Variants in CWC27 observed in about 807,000 individuals in gnomAD.
CWC27 encodes the protein spliceosome-associated protein CWC27 homolog.
CWC27 carries 47 observed loss-of-function variants against 63.6 expected under a neutral mutation model. The observed-to-expected ratio is 0.74, with a 90% CI of 0.58 to 0.94. The LOEUF (loss-of-function observed/expected upper bound fraction) is 0.94, where lower values mean the gene tolerates loss of function less well. Among genes scored for constraint, CWC27 ranks in the 40% least tolerant of loss-of-function variants. The pLI is 0.00. For synonymous variants in CWC27, 175 were observed against 179.8 expected (o/e 0.97, Z 0.22); for missense variants, 495 against 554.3 (o/e 0.89, Z 1.07).
Position 64,810,433 on chromosome 5 carries a change from A to G in CWC27, c.938+6047A>G, listed in dbSNP as rs551790261. On this transcript the variant is annotated intron_variant, in intron 10 of 13. Transcript: ENST00000381070. The stretch of plus-strand genomic sequence containing the variant: ...ATTTTTTTTTCTATTTCTGTGAAAA[A>G]TGACATTGTAATTTTGATAGAAATT... 2.0e-5 allele frequency among the ~76,000 whole-genome samples: 3 copies of G among 152,168 alleles called. No homozygotes were observed. In the South Asian group the frequency reaches 6.2e-4, roughly 32 times the overall value.
chr5:64,992,183 T>C (rs568869239), intron 13 of CWC27, among the ~76,000 whole-genome samples: 1 of 152,308 alleles, frequency 6.6e-6, no homozygotes, highest in African/African-American at 2.4e-5. Flanking sequence ...ATAGGGCTCA[T>C]AACTTAGGGA....
intron 10 of CWC27, chr5:64,844,964 G>T (rs1214176330): frequency 2.2e-6 from 1 of 456,610 alleles, no homozygotes; most frequent in Non-Finnish European, 4.4e-6. Flanking sequence ...CTACAGCCCG[G>T]CCCAACTGCA....
intron 7 of CWC27, 48 bp from the exon 8 acceptor site, chr5:64,800,200 A>T: frequency 8.2e-7 from 1 of 1,223,382 alleles, no homozygotes; most frequent in Admixed American, 1.9e-5. Context: ...GTTATTTAGG[A>T]ATACTGTTTA....
chr5:64,800,094 A>G (rs1744436292), intron 7 of CWC27, among the ~76,000 whole-genome samples, 154 bp from the exon 8 acceptor site: 1 of 152,178 alleles, frequency 6.6e-6, no homozygotes, highest in African/African-American at 2.4e-5. Context: ...TAAGATTCTT[A>G]CTTATAAAAC....
chr5:64,794,938 A>G (rs1436585479), intron 7 of CWC27, among the ~76,000 whole-genome samples: 1 of 152,194 alleles, frequency 6.6e-6, no homozygotes, highest in Non-Finnish European at 1.5e-5. Flanking sequence ...CAATAGCTAG[A>G]TTTTTATTCA....
chr5:64,800,387 G>C, intron 8 of CWC27, 60 bp downstream of exon 8: 5 of 1,301,088 alleles, frequency 3.8e-6, no homozygotes, highest in Non-Finnish European at 4.4e-6. Context: ...TAATTTTCTT[G>C]CTTCTTCTGT....
At position 64,909,906 on chromosome 5, in the gene CWC27, C is replaced by T. The variant is rs180831609; in HGVS notation, c.1042+24360C>T. Among the ~76,000 whole-genome samples, 369 of 152,200 alleles carry T rather than the reference C, an allele frequency of 2.4e-3. 4 individuals are homozygous for T. Among genetic ancestry groups the T allele is most frequent in the Non-Finnish European group, 1.1e-3 (76 of 68,020 alleles). On this transcript the variant is annotated intron_variant, in intron 11 of 13. Transcript: ENST00000381070. Reference sequence around the variant, plus strand: ...TTAGCTCAGAGAAGTTTGTTATTACCGACCTTCTGAAGCCTACTTCTGTCA... The same window carrying T: ...TTAGCTCAGAGAAGTTTGTTATTACTGACCTTCTGAAGCCTACTTCTGTCA...
intron 13 of CWC27, among the ~76,000 whole-genome samples, chr5:64,981,426 T>C (rs987331520): frequency 3.9e-5 from 6 of 152,202 alleles, no homozygotes; most frequent in Non-Finnish European, 7.4e-5. Flanking sequence ...ATTTTTATCT[T>C]TTGTATTATG....
At chr5:64,999,952 C>T (rs1401150025) in intron 13 of CWC27, among the ~76,000 whole-genome samples, 2 of 152,014 alleles carry the variant, frequency 1.3e-5, no homozygotes, top group Non-Finnish European at 2.9e-5. Context: ...ACGTTCACAC[C>T]AACAGTGTAT....
chr5:64,986,195 C>T (rs1222352591), intron 13 of CWC27, among the ~76,000 whole-genome samples: 2 of 152,124 alleles, frequency 1.3e-5, no homozygotes, highest in African/African-American at 2.4e-5. Context: ...AAGTTTTCAA[C>T]TCATTTGAGT....
chr5:64,905,198 C>G (rs1003413584), intron 11 of CWC27, among the ~76,000 whole-genome samples: 13 of 88,398 alleles, frequency 1.5e-4, no homozygotes, highest in Admixed American at 6.9e-4. Context: ...CACACTACAT[C>G]TCAAAAAAAA....
intron 11 of CWC27, among the ~76,000 whole-genome samples, chr5:64,914,867 GGT>G (rs1747860778): frequency 6.6e-6 from 1 of 151,940 alleles, no homozygotes; most frequent in Non-Finnish European, 1.5e-5. Flanking sequence ...TCAACAGAGT[GGT>G]AAAAATTGTG....
intron 10 of CWC27, among the ~76,000 whole-genome samples, chr5:64,820,325 G>A (rs1365702542): frequency 6.6e-6 from 1 of 152,130 alleles, no homozygotes; most frequent in African/African-American, 2.4e-5. Flanking sequence ...GCAGTGACCT[G>A]GCCTTAGTAT....
chr5:64,804,599 A>G (rs1312905308), intron 10 of CWC27: 12 of 442,362 alleles, frequency 2.7e-5, no homozygotes, highest in South Asian at 2.0e-4. Context: ...GTTCAATTCC[A>G]TTTTATTTCT....
chr5:65,003,352 C>T (rs1749767983), intron 13 of CWC27, among the ~76,000 whole-genome samples: 1 of 152,000 alleles, frequency 6.6e-6, no homozygotes, highest in Non-Finnish European at 1.5e-5. Flanking sequence ...TTTTGTATAT[C>T]CTTTCCTCCT....
At chr5:64,987,035 T>C (rs962283264) in intron 13 of CWC27, among the ~76,000 whole-genome samples, 24 of 152,244 alleles carry the variant, frequency 1.6e-4, no homozygotes, top group Non-Finnish European at 5.9e-5. Flanking sequence ...TTCTTCAGTT[T>C]CCTCTGTTTT....
At chr5:65,008,931 G>A (rs2112472580) in intron 13 of CWC27, among the ~76,000 whole-genome samples, 1 of 152,178 alleles carries the variant, frequency 6.6e-6, no homozygotes, top group Admixed American at 6.5e-5. Context: ...AAAACACTTT[G>A]AAAGGGGTAT....
At chr5:64,805,940 G>A (rs528616763) in intron 10 of CWC27, among the ~76,000 whole-genome samples, 15 of 152,224 alleles carry the variant, frequency 9.9e-5, no homozygotes, top group Admixed American at 3.3e-4. Flanking sequence ...GGCATTGATA[G>A]CTAGATTTAG....
chr5:65,018,065 C>T (rs1008645755), intron 13 of CWC27, 94 bp from the exon 14 acceptor site: 53 of 1,148,966 alleles, frequency 4.6e-5, no homozygotes, highest in Non-Finnish European at 5.8e-5. Flanking sequence ...GTTCTGTATG[C>T]TTATGTTTCA....
Sources: allele counts gnomAD v4.1 joint callset (sites outside exome capture counted in the v4.1 genomes callset), GRCh38; gene constraint gnomAD v4.1.1; transcripts MANE v1.5; gene names NCBI Gene and HGNC (gene_info 2026-07-23, HGNC 2026-07-21).